The following CYTH3 variants were observed in gnomAD, a reference collection of about 807,000 sequenced individuals.
CYTH3 encodes the protein cytohesin 3.
A neutral mutation model predicts 55.1 loss-of-function variants in CYTH3; 23 were observed. That is an observed-to-expected ratio of 0.42 (90% CI 0.30 to 0.59). The LOEUF is 0.59. Among genes scored for constraint, CYTH3 ranks in the 20% least tolerant of loss-of-function variants. The pLI, the probability that CYTH3 is intolerant of heterozygous loss-of-function variation, is 0.20. For missense variants in CYTH3, 413 were observed against 524.8 expected, an observed-to-expected ratio of 0.79 and a Z score of 2.08; for synonymous variants, 249 against 194.9, an observed-to-expected ratio of 1.28 and a Z score of -2.31.
At chr7:6,259,800 TATATATATATATAATATATATATATA>T (rs1780284069) in intron 1 of CYTH3, among the ~76,000 whole-genome samples, 5 of 25,510 alleles carry the variant, frequency 2.0e-4, no homozygotes, top group Admixed American at 6.5e-4. Flanking sequence ...TATATATATA[TATATATATATATAATATATATATATA>T]TATATATTTT....
intron 5 of CYTH3, among the ~76,000 whole-genome samples, chr7:6,174,708 T>C (rs60985460): frequency 0.038 from 5,789 of 152,002 alleles, 194 homozygotes; most frequent in African/African-American, 0.09. Context: ...CCAGCACGCC[T>C]GGCTAATTTT....
chr7:6,172,910 T>G, intron 6 of CYTH3: 1 of 1,217,682 alleles, frequency 8.2e-7, no homozygotes, highest in Non-Finnish European at 1.1e-6. Context: ...CAGTCTGCAG[T>G]TGAGGTAAGG....
At chr7:6,191,029 A>T (rs1161428994) in intron 1 of CYTH3, among the ~76,000 whole-genome samples, 1 of 152,052 alleles carries the variant, frequency 6.6e-6, no homozygotes, top group Non-Finnish European at 1.5e-5. Flanking sequence ...GTGAGGCAAA[A>T]TCACATCACT....
intron 1 of CYTH3, among the ~76,000 whole-genome samples, chr7:6,197,423 C>G (rs1026412612): frequency 5.3e-5 from 8 of 152,298 alleles, no homozygotes; most frequent in African/African-American, 1.9e-4. Flanking sequence ...TGGCTCACAC[C>G]TGTAATCTCA....
rs188177625 is a variant in CYTH3, at chr7:6,260,202, A to G, written c.34+12272T>C. ...ACTTTTAAAATTTCATTTCATTTCA[A>G]AAGTTTCAACAGTCTCATATTACAA... On this transcript the variant is annotated intron_variant, in intron 1 of 12. Transcript: ENST00000350796. Among the ~76,000 whole-genome samples the G allele has an allele frequency of 2.3e-3, 347 of 152,138 alleles. 2 individuals are homozygous for G. The highest frequency in any genetic ancestry group is 8.2e-3 in the African/African-American group (339 of 41,476).
In CYTH3 at chr7:6,228,687, G is replaced by A. The variant is rs59137079; in HGVS notation, c.35-38156C>T. ...CGGGCTGCCTCCCGCTCTGAGCAGG[G>A]TCCTCCCACACTTTCTATCAACCCC... On this transcript the variant is annotated intron_variant, in intron 1 of 12. Coordinates refer to ENST00000350796, the MANE Select transcript of CYTH3 (RefSeq NM_004227.4). Among the ~76,000 whole-genome samples, 943 of 152,260 alleles carry A rather than the reference G, an allele frequency of 6.2e-3. 8 individuals are homozygous for A. Among genetic ancestry groups the A allele is most frequent in the African/African-American group, 0.022 (894 of 41,548 alleles).
At chr7:6,173,553 G>C in intron 6 of CYTH3, 100 bp downstream of exon 6, 1 of 776,132 alleles carries the variant, frequency 1.3e-6, no homozygotes, top group Middle Eastern at 3.5e-4. Flanking sequence ...GACTCGTGTG[G>C]CACCAAGTTA....
chr7:6,190,660 T>C (rs1246527484), intron 1 of CYTH3, 129 bp from the exon 2 acceptor site: 12 of 683,294 alleles, frequency 1.8e-5, no homozygotes, highest in African/African-American at 9.3e-5. Flanking sequence ...AATGCTCCCA[T>C]TGAGACTGTA....
chr7:6,232,590 C>G (rs527304808), intron 1 of CYTH3, among the ~76,000 whole-genome samples: 1 of 152,132 alleles, frequency 6.6e-6, no homozygotes, highest in Non-Finnish European at 1.5e-5. Flanking sequence ...AAGAGTGTGA[C>G]AAGAAACAGA....
At chr7:6,272,317 T>C (rs1399590227) in intron 1 of CYTH3, among the ~76,000 whole-genome samples, 157 bp downstream of exon 1, 30 of 131,034 alleles carry the variant, frequency 2.3e-4, no homozygotes, top group Non-Finnish European at 3.6e-4. Context: ...GCCTCGGCCC[T>C]GGCCCGGCGT....
chr7:6,185,489 G>T (rs1309899870), intron 4 of CYTH3, among the ~76,000 whole-genome samples: 1 of 152,132 alleles, frequency 6.6e-6, no homozygotes, highest in Non-Finnish European at 1.5e-5. Flanking sequence ...AAGGTCAGGA[G>T]ATCGAGACCA....
At chr7:6,260,615 G>A (rs1780329229) in intron 1 of CYTH3, among the ~76,000 whole-genome samples, 1 of 152,054 alleles carries the variant, frequency 6.6e-6, no homozygotes, top group Admixed American at 6.6e-5. Context: ...AAGTCCAGTA[G>A]ACATGTCCCC....
At chr7:6,184,440 G>A (rs1783587168) in intron 4 of CYTH3, among the ~76,000 whole-genome samples, 1 of 152,048 alleles carries the variant, frequency 6.6e-6, no homozygotes, top group South Asian at 2.1e-4. Flanking sequence ...TAGTTTTGTT[G>A]GCCCTTATTA....
chr7:6,173,902 C>T (rs552537727), intron 5 of CYTH3, among the ~76,000 whole-genome samples, 169 bp from the exon 6 acceptor site: 82 of 152,240 alleles, frequency 5.4e-4, no homozygotes, highest in African/African-American at 1.9e-3. Context: ...GCCATGTTAC[C>T]CAGGCTGGTC....
At chr7:6,182,515 T>C (rs1272608923) in intron 4 of CYTH3, among the ~76,000 whole-genome samples, 1 of 152,116 alleles carries the variant, frequency 6.6e-6, no homozygotes, top group Non-Finnish European at 1.5e-5. Flanking sequence ...TCTGGCTTGA[T>C]AAAGGATTTA....
At chr7:6,213,727 T>G (rs967049690) in intron 1 of CYTH3, among the ~76,000 whole-genome samples, 2 of 151,802 alleles carry the variant, frequency 1.3e-5, no homozygotes, top group African/African-American at 2.4e-5. Context: ...CTCATGCACT[T>G]TCCTAGATTC....
At chr7:6,225,010 G>A (rs187187298) in intron 1 of CYTH3, among the ~76,000 whole-genome samples, 34 of 152,332 alleles carry the variant, frequency 2.2e-4, no homozygotes, top group African/African-American at 8.2e-4. Flanking sequence ...TATAGAGACA[G>A]AAACCACATT....
rs1782924205 is a variant in CYTH3, at chr7:6,164,364, G to C, written c.*580C>G. ...TGCCATTCTAAAAATACTACTGTTA[G>C]AAAGTATCTTTTGTTATAATTTCAG... On this transcript the variant is annotated 3_prime_UTR_variant, in exon 13 of 13. Transcript: ENST00000350796. 1.3e-5 allele frequency: 2 copies of C among 153,194 alleles called. No homozygotes were observed. The highest frequency in any genetic ancestry group is 6.5e-5 in the Admixed American group (1 of 15,340). 9.5% of individuals were successfully genotyped at this position (153,194 alleles called of 1,614,324 possible).
chr7:6,259,754 ATAT>A (rs1383997002), intron 1 of CYTH3, among the ~76,000 whole-genome samples: 2 of 11,634 alleles, frequency 1.7e-4, no homozygotes, highest in Admixed American at 1.1e-3. Context: ...ATATATATAT[ATAT>A]TATATATATA....
Sources: allele counts gnomAD v4.1 joint callset (sites outside exome capture counted in the v4.1 genomes callset), GRCh38; gene constraint gnomAD v4.1.1; transcripts MANE v1.5; gene names NCBI Gene and HGNC (gene_info 2026-07-23, HGNC 2026-07-21).